KIF6: variants seen among roughly 807,000 people sequenced by gnomAD.
The protein encoded by KIF6 is kinesin-like protein KIF6.
KIF6 carries 106 observed loss-of-function variants against 112.7 expected under a neutral mutation model. The ratio of observed to expected loss-of-function variants is 0.94; its 90% CI spans 0.80 to 1.11. KIF6 has a LOEUF of 1.11. Ranked by LOEUF, KIF6 falls within the 50% of genes least tolerant of loss-of-function variation. The pLI, the probability that KIF6 is intolerant of heterozygous loss-of-function variation, is 0.00. For synonymous variants in KIF6, 339 were observed against 339.9 expected (o/e 1.00, Z 0.03); for missense variants, 929 against 964.0 (o/e 0.96, Z 0.48).
At chr6:39,416,953 TG>T (rs1385805073) in intron 15 of KIF6, among the ~76,000 whole-genome samples, 3 of 152,060 alleles carry the variant, frequency 2.0e-5, no homozygotes, top group African/African-American at 7.2e-5. Flanking sequence ...AGTTTGGGAG[TG>T]GAGCTGAGGC....
intron 13 of KIF6, among the ~76,000 whole-genome samples, chr6:39,483,088 C>T (rs1053874961): frequency 1.1e-4 from 16 of 152,318 alleles, no homozygotes; most frequent in African/African-American, 2.2e-4. Context: ...GAGTTTTTAT[C>T]TTTCATTCCT....
At chr6:39,526,180 C>T (rs1777713954) in intron 13 of KIF6, among the ~76,000 whole-genome samples, 1 of 152,144 alleles carries the variant, frequency 6.6e-6, no homozygotes, top group South Asian at 2.1e-4. Flanking sequence ...TATGTCCATC[C>T]CAGCTGTCAC....
rs147040254 is a variant in KIF6, at chr6:39,672,343, T to G, written c.252-32586A>C. 2.7e-4 allele frequency among the ~76,000 whole-genome samples: 41 copies of G among 152,348 alleles called. 1 individual carries two copies. In the East Asian group the frequency reaches 6.0e-3, roughly 22 times the overall value. On this transcript the variant is annotated intron_variant, in intron 3 of 22. Transcript: ENST00000287152. ...GTAACATTGGTTTTGTTATACGTTT[T>G]GCTTAAAGCCATAGTTTCCAAGAAC...
intron 13 of KIF6, among the ~76,000 whole-genome samples, chr6:39,447,873 T>G (rs898180192): frequency 1.3e-5 from 2 of 152,154 alleles, no homozygotes; most frequent in African/African-American, 4.8e-5. Flanking sequence ...GATCCTGGAT[T>G]GCCAAAACCA....
At chr6:39,644,164 A>C (rs985558284) in intron 3 of KIF6, among the ~76,000 whole-genome samples, 2 of 151,910 alleles carry the variant, frequency 1.3e-5, no homozygotes, top group African/African-American at 2.4e-5. Flanking sequence ...CTAAAACAAA[A>C]AAAAAAAGAG....
At chr6:39,504,517 A>G (rs1776329722) in intron 13 of KIF6, among the ~76,000 whole-genome samples, 1 of 152,164 alleles carries the variant, frequency 6.6e-6, no homozygotes, top group Admixed American at 6.5e-5. Flanking sequence ...GGCAAGATAA[A>G]TAAGTAAAGG....
chr6:39,412,880 C>A (rs1279005435), intron 15 of KIF6, among the ~76,000 whole-genome samples: 1 of 152,040 alleles, frequency 6.6e-6, no homozygotes. Flanking sequence ...GTGCTGCTGT[C>A]CCCCATCTCT....
At chr6:39,584,253 C>T (rs899131770) in intron 9 of KIF6, among the ~76,000 whole-genome samples, 1 of 151,242 alleles carries the variant, frequency 6.6e-6, no homozygotes, top group Admixed American at 6.6e-5. Flanking sequence ...GAAACCCCGT[C>T]TCTACTAAAA....
At chr6:39,435,529 C>G (rs760679536) in intron 13 of KIF6, among the ~76,000 whole-genome samples, 2 of 151,994 alleles carry the variant, frequency 1.3e-5, no homozygotes, top group Admixed American at 1.3e-4. Context: ...CCTCACCCCC[C>G]AAACCTCCCC....
At position 39,664,703 on chromosome 6, in the gene KIF6, C is replaced by T. The variant is rs534155929; in HGVS notation, c.252-24946G>A. 6.5e-4 allele frequency among the ~76,000 whole-genome samples: 99 copies of T among 152,210 alleles called. No homozygotes were observed. In the South Asian group the frequency reaches 0.012, roughly 19 times the overall value. On this transcript the variant is annotated intron_variant, in intron 3 of 22. Transcript: ENST00000287152. ...AGTTGTGAGAGTAAGAAGTTAGAGA[C>T]GCTTTTTTGCATCCTTTCCAAAATT...
chr6:39,598,711 C>T (rs1397118615), intron 6 of KIF6, among the ~76,000 whole-genome samples: 7 of 151,910 alleles, frequency 4.6e-5, no homozygotes, highest in South Asian at 2.1e-4. Context: ...TGGTGCAAGA[C>T]GCACAACCTA....
chr6:39,352,698 G>A (rs1764352100), intron 19 of KIF6, among the ~76,000 whole-genome samples: 1 of 151,060 alleles, frequency 6.6e-6, no homozygotes, highest in South Asian at 2.1e-4. Flanking sequence ...CTGCCTCCTC[G>A]GTTCAAGCGA....
At chr6:39,442,481 G>C (rs1222008241) in intron 13 of KIF6, among the ~76,000 whole-genome samples, 1 of 152,230 alleles carries the variant, frequency 6.6e-6, no homozygotes, top group African/African-American at 2.4e-5. Context: ...GAAATCCGTG[G>C]ACAGACGCAG....
intron 6 of KIF6, among the ~76,000 whole-genome samples, chr6:39,602,192 C>G (rs1782618094): frequency 6.6e-6 from 1 of 152,136 alleles, no homozygotes; most frequent in Admixed American, 6.6e-5. Context: ...GGGCTTGTAT[C>G]AAAAATATTA....
intron 15 of KIF6, among the ~76,000 whole-genome samples, chr6:39,417,074 C>G (rs1014198208): frequency 2.6e-5 from 4 of 152,118 alleles, no homozygotes; most frequent in African/African-American, 9.7e-5. Flanking sequence ...TCATTTCTCC[C>G]TAAGAAAAAT....
intron 13 of KIF6, among the ~76,000 whole-genome samples, chr6:39,498,944 G>GA (rs1775952251): frequency 6.6e-6 from 1 of 152,132 alleles, no homozygotes. Flanking sequence ...TAGAAAAAGG[G>GA]AAAAATATGT....
intron 13 of KIF6, among the ~76,000 whole-genome samples, chr6:39,503,641 G>A (rs1014121113): frequency 6.6e-6 from 1 of 151,850 alleles, no homozygotes; most frequent in East Asian, 1.9e-4. Flanking sequence ...TGATAAGGGG[G>A]ATATCACCAC....
chr6:39,575,495 C>G (rs574465069), intron 10 of KIF6, among the ~76,000 whole-genome samples: 1 of 152,288 alleles, frequency 6.6e-6, no homozygotes, highest in African/African-American at 2.4e-5. Context: ...TGGTCTCGAT[C>G]TCCTGACTTT....
intron 13 of KIF6, among the ~76,000 whole-genome samples, chr6:39,456,962 G>A (rs953756889): frequency 3.4e-5 from 5 of 147,634 alleles, no homozygotes; most frequent in Admixed American, 6.8e-5. Flanking sequence ...ACAGATCAAT[G>A]AGACAGAAAG....
Sources: allele counts gnomAD v4.1 joint callset (sites outside exome capture counted in the v4.1 genomes callset), GRCh38; gene constraint gnomAD v4.1.1; transcripts MANE v1.5; gene names NCBI Gene and HGNC (gene_info 2026-07-23, HGNC 2026-07-21).